Variants in ADARB2 observed in about 807,000 individuals in gnomAD.
ADARB2 encodes adenosine deaminase RNA specific B2 (inactive).
A neutral mutation model predicts 62.2 loss-of-function variants in ADARB2; 25 were observed. That is an observed-to-expected ratio of 0.40 (90% confidence interval 0.29 to 0.56). The LOEUF is 0.56. ADARB2 is among the 20% of genes least tolerant of loss of function. The probability of loss-of-function intolerance (pLI) is 0.43; values close to 1 mark genes in which losing one functional copy is unlikely to be tolerated. For missense variants in ADARB2, 1,071 were observed against 1,077.4 expected (o/e 0.99, Z 0.08); for synonymous variants, 572 against 500.8 (o/e 1.14, Z -1.90).
At chr10:1,402,052 C>T (rs892525941) in intron 1 of ADARB2, among the ~76,000 whole-genome samples, 8 of 152,308 alleles carry the variant, frequency 5.3e-5, no homozygotes, top group African/African-American at 9.6e-5. Context: ...GAGCATCTCA[C>T]GGAACTTCTG....
chr10:1,496,303 CAGTATCAACATCATCATT>C (rs145564239), intron 1 of ADARB2, among the ~76,000 whole-genome samples: 23,425 of 151,620 alleles, frequency 0.15, 2,194 homozygotes, highest in Middle Eastern at 0.23. Flanking sequence ...TCACCATCAT[CAGTATCAACATCATCATT>C]AGTATCAACA....
At chr10:1,335,213 TGGAG>T (rs1831962133) in intron 3 of ADARB2, among the ~76,000 whole-genome samples, 1 of 139,242 alleles carries the variant, frequency 7.2e-6, no homozygotes, top group Non-Finnish European at 1.5e-5. Context: ...AATGGATGGA[TGGAG>T]GGAGGGAATG....
At chr10:1,253,166 G>C (rs1030670649) in intron 4 of ADARB2, among the ~76,000 whole-genome samples, 1 of 152,200 alleles carries the variant, frequency 6.6e-6, no homozygotes, top group African/African-American at 2.4e-5. Context: ...ACATGTGCCT[G>C]ATACACAGCA....
chr10:1,492,437 C>T (rs137988995), intron 1 of ADARB2, among the ~76,000 whole-genome samples: 298 of 152,190 alleles, frequency 2.0e-3, no homozygotes, highest in African/African-American at 6.7e-3. Context: ...GAGAGTACCA[C>T]GTGACGCTAA....
At chr10:1,608,639 GGGAGGGAA>G (rs1833525076) in intron 1 of ADARB2, among the ~76,000 whole-genome samples, 1 of 148,960 alleles carries the variant, frequency 6.7e-6, no homozygotes, top group Non-Finnish European at 1.5e-5. Context: ...AATGAAGGGA[GGGAGGGAA>G]GGAGGGAGGA....
intron 1 of ADARB2, among the ~76,000 whole-genome samples, chr10:1,557,732 C>A (rs1283015582): frequency 6.6e-6 from 1 of 152,094 alleles, no homozygotes; most frequent in Non-Finnish European, 1.5e-5. Context: ...GGTGAAACCC[C>A]ATCTCTAATA....
intron 1 of ADARB2, among the ~76,000 whole-genome samples, chr10:1,414,654 T>G (rs1385974927): frequency 2.0e-5 from 3 of 152,248 alleles, no homozygotes; most frequent in Non-Finnish European, 4.4e-5. Flanking sequence ...TACCAATAAA[T>G]AGCATGTGCT....
intron 1 of ADARB2, among the ~76,000 whole-genome samples, chr10:1,533,387 C>T (rs1265418070): frequency 3.3e-5 from 5 of 152,014 alleles, no homozygotes; most frequent in African/African-American, 1.2e-4. Context: ...CTTGGCCTCC[C>T]AAAGTCCTGG....
intron 1 of ADARB2, among the ~76,000 whole-genome samples, chr10:1,537,229 C>T (rs900857249): frequency 3.3e-5 from 5 of 152,228 alleles, no homozygotes; most frequent in African/African-American, 9.6e-5. Context: ...CATCACTGGT[C>T]ATTAGAGAAA....
In ADARB2 at chr10:1,309,692, G is replaced by T. The variant is rs190142818; in HGVS notation, c.1078-38623C>A. On this transcript the variant is annotated intron_variant, in intron 3 of 9. Coordinates refer to ENST00000381312, the MANE Select transcript of ADARB2 (RefSeq NM_018702.4). Reference sequence around the variant, plus strand: ...AAGGCAGGATGAGCCACTAGGCTCTGGTCTTCAGATCCTAGAATCCAGGCT... The same window carrying T: ...AAGGCAGGATGAGCCACTAGGCTCTTGTCTTCAGATCCTAGAATCCAGGCT... Among the ~76,000 whole-genome samples the T allele has an allele frequency of 1.8e-3, 268 of 152,354 alleles. 3 individuals carry two copies. Among genetic ancestry groups the T allele is most frequent in the East Asian group, 1.2e-3 (6 of 5,178 alleles).
At chr10:1,220,330 GTGATGGATGATGGTGATTGTGGTGA>G (rs1830682261) in intron 6 of ADARB2, among the ~76,000 whole-genome samples, 2 of 145,210 alleles carry the variant, frequency 1.4e-5, no homozygotes, top group Non-Finnish European at 3.0e-5. Context: ...GATGGTGGTG[GTGATGGATGATGGTGATTGTGGTGA>G]TGATGGTGAT....
rs1443736401 is a variant in ADARB2 at position 1,704,120 on chromosome 10, C to T, written c.100+32931G>A. On this transcript the variant is annotated intron_variant, in intron 1 of 9. Transcript: ENST00000381312. This position sits in a 1 kb window ranked among gnomAD's most constrained non-coding sequence, Gnocchi z 5.6. ...GAGCAGCCTCACTCTTGCTGTAAGA[C>T]AGCGGTCCTGTCCCCAACCTTTCTG... 6.6e-6 allele frequency among the ~76,000 whole-genome samples: 1 copy of T among 152,196 alleles called. No individual in the cohort carries two copies.
intron 1 of ADARB2, among the ~76,000 whole-genome samples, chr10:1,584,291 T>C (rs372382146): frequency 6.6e-6 from 1 of 152,284 alleles, no homozygotes; most frequent in African/African-American, 2.4e-5. Context: ...AGACCTTAAC[T>C]GATACCACGC....
At chr10:1,264,050 T>C (rs1024139965) in intron 4 of ADARB2, among the ~76,000 whole-genome samples, 3 of 152,128 alleles carry the variant, frequency 2.0e-5, no homozygotes, top group African/African-American at 7.2e-5. Context: ...GCGCTCCTTA[T>C]TGTACTCAGC....
intron 4 of ADARB2, among the ~76,000 whole-genome samples, chr10:1,262,797 T>C (rs1831154821): frequency 1.3e-5 from 2 of 152,076 alleles, no homozygotes; most frequent in Non-Finnish European, 2.9e-5. Context: ...ACCCAAAGGA[T>C]TATAAATCAT....
chr10:1,458,079 C>T (rs1053045149), intron 1 of ADARB2, among the ~76,000 whole-genome samples: 3 of 152,132 alleles, frequency 2.0e-5, no homozygotes, highest in African/African-American at 7.2e-5. Flanking sequence ...GATGGACACT[C>T]ATGTGACTTT....
intron 1 of ADARB2, among the ~76,000 whole-genome samples, chr10:1,460,644 G>C (rs111696297): frequency 1.7e-5 from 2 of 115,430 alleles, no homozygotes; most frequent in African/African-American, 8.1e-5. Flanking sequence ...CCTGTGACCT[G>C]AGTTTACCTG....
intron 1 of ADARB2, among the ~76,000 whole-genome samples, chr10:1,571,965 G>A (rs1336408534): frequency 4.9e-5 from 7 of 143,706 alleles, no homozygotes; most frequent in Admixed American, 6.9e-5. Flanking sequence ...GCAGGTGAGT[G>A]TGCAGGTGAG....
chr10:1,348,572 T>C (rs990008050), intron 3 of ADARB2, among the ~76,000 whole-genome samples: 2 of 152,218 alleles, frequency 1.3e-5, no homozygotes, highest in Admixed American at 6.5e-5. Context: ...CCTGCAGCTC[T>C]GCCCCCTACC....
Sources: gnomAD v4.1 joint callset for allele counts (sites outside exome capture counted in the v4.1 genomes callset) on GRCh38, gnomAD v4.1.1 for gene constraint, Gnocchi (gnomAD v3.1) non-coding constraint, MANE v1.5 for transcripts, NCBI Gene and HGNC (gene_info 2026-07-23, HGNC 2026-07-21) for gene names.